Variants in HTR1F observed in about 807,000 individuals in gnomAD.
HTR1F encodes 5-hydroxytryptamine receptor 1F.
HTR1F carries 17 observed loss-of-function variants against 24.0 expected under a neutral mutation model. That is an observed-to-expected ratio of 0.71 (90% CI 0.48 to 1.06). HTR1F has a LOEUF of 1.06. Among genes scored for constraint, HTR1F ranks in the 50% least tolerant of loss-of-function variants. The probability of loss-of-function intolerance (pLI) is 0.00; values close to 1 mark genes in which losing one functional copy is unlikely to be tolerated. For missense variants in HTR1F, 391 were observed against 427.8 expected, an observed-to-expected ratio of 0.91 and a Z score of 0.76; for synonymous variants, 186 against 156.8, an observed-to-expected ratio of 1.19 and a Z score of -1.39.
intron 2 of HTR1F, among the ~76,000 whole-genome samples, chr3:87,845,282 G>A (rs1440873453): frequency 6.6e-6 from 1 of 151,828 alleles, no homozygotes; most frequent in Non-Finnish European, 1.5e-5. Context: ...AGGAAAAGAG[G>A]AAGTCAAATT....
At chr3:87,798,537 C>A (rs1459919027) in intron 1 of HTR1F, among the ~76,000 whole-genome samples, 2 of 151,980 alleles carry the variant, frequency 1.3e-5, no homozygotes, top group Non-Finnish European at 2.9e-5. Context: ...ACCCTGACCC[C>A]CCTCCACCCG....
In HTR1F at chr3:87,922,836, A is replaced by T. The variant is rs533459482; in HGVS notation, c.-42-67872A>T. Among the ~76,000 whole-genome samples the T allele has an allele frequency of 1.6e-4, 24 of 146,002 alleles. No homozygotes were observed. In the Admixed American group the frequency reaches 1.7e-3, roughly 10 times the overall value. On this transcript the variant is annotated intron_variant, in intron 2 of 2. Coordinates refer to ENST00000319595, the MANE Select transcript of HTR1F (RefSeq NM_001322209.2). ...CTGTCCATTGGCTGTAAATCTGTGG[A>T]TTTATTTCTGTGTTCTCTAGTCTGT...
At chr3:87,924,164 T>A (rs1704073351) in intron 2 of HTR1F, among the ~76,000 whole-genome samples, 3 of 152,130 alleles carry the variant, frequency 2.0e-5, no homozygotes, top group Non-Finnish European at 2.9e-5. Context: ...AATGATTCAA[T>A]CTCATTACAT....
At chr3:87,936,785 A>C (rs972329290) in intron 2 of HTR1F, among the ~76,000 whole-genome samples, 10 of 152,066 alleles carry the variant, frequency 6.6e-5, no homozygotes, top group African/African-American at 1.4e-4. Flanking sequence ...TTTACTACCC[A>C]CTAGGAGATT....
At chr3:87,876,136 CTT>C (rs1705668439) in intron 2 of HTR1F, among the ~76,000 whole-genome samples, 1 of 152,104 alleles carries the variant, frequency 6.6e-6, no homozygotes, top group African/African-American at 2.4e-5. Flanking sequence ...GAATTGGAGA[CTT>C]TGTGTGCTGA....
intron 2 of HTR1F, among the ~76,000 whole-genome samples, chr3:87,828,706 C>T (rs1704512445): frequency 6.6e-6 from 1 of 152,168 alleles, no homozygotes; most frequent in Non-Finnish European, 1.5e-5. Flanking sequence ...CATATATCTT[C>T]ATTTTAGTTT....
chr3:87,856,158 A>G lies in HTR1F; in HGVS notation c.-43+34034A>G, dbSNP rs992530226. Among the ~76,000 whole-genome samples, 5 of 152,178 alleles carry G rather than the reference A, an allele frequency of 3.3e-5. No individual in the cohort carries two copies. The East Asian group carries it at 7.7e-4, about 23-fold the overall frequency. ...CAATTTTTCAATTTTATTATTAGTT[A>G]CTATTAATCTCTTACTGGTCCTAAT... On this transcript the variant is annotated intron_variant, in intron 2 of 2. Coordinates refer to ENST00000319595, the MANE Select transcript of HTR1F (RefSeq NM_001322209.2).
chr3:87,927,962 G>A (rs1704167271), intron 2 of HTR1F, among the ~76,000 whole-genome samples: 1 of 151,724 alleles, frequency 6.6e-6, no homozygotes, highest in Non-Finnish European at 1.5e-5. Context: ...TCCATTGGTG[G>A]CTTAATAAAC....
At chr3:87,800,994 A>G (rs527698736) in intron 1 of HTR1F, among the ~76,000 whole-genome samples, 2 of 152,338 alleles carry the variant, frequency 1.3e-5, no homozygotes, top group Non-Finnish European at 2.9e-5. Flanking sequence ...AACCCACTTT[A>G]GTGTTAAGCT....
At chr3:87,900,357 C>T (rs1706294031) in intron 2 of HTR1F, among the ~76,000 whole-genome samples, 1 of 152,072 alleles carries the variant, frequency 6.6e-6, no homozygotes, top group African/African-American at 2.4e-5. Context: ...GCAAGGAGGC[C>T]CATGTAGCTG....
rs111702900 is a variant in HTR1F at position 87,917,534 on chromosome 3, A to G, written c.-42-73174A>G. Among the ~76,000 whole-genome samples the G allele has an allele frequency of 4.7e-3, 721 of 152,156 alleles. 2 individuals carry two copies. The highest frequency in any genetic ancestry group is 0.017 in the African/African-American group (689 of 41,570). ...AATAAGAAATGAAACAGGAGATATT[A>G]CAACTGACACCACAGAAATGCAAAA... On this transcript the variant is annotated intron_variant, in intron 2 of 2. Coordinates refer to ENST00000319595, the MANE Select transcript of HTR1F (RefSeq NM_001322209.2).
intron 2 of HTR1F, among the ~76,000 whole-genome samples, chr3:87,873,962 A>G (rs1705614693): frequency 6.6e-6 from 1 of 152,162 alleles, no homozygotes. Context: ...AAATAGGAGT[A>G]GAAGAAATTA....
chr3:87,966,671 G>A (rs926794750), intron 2 of HTR1F, among the ~76,000 whole-genome samples: 3 of 151,978 alleles, frequency 2.0e-5, no homozygotes, highest in African/African-American at 7.3e-5. Flanking sequence ...ATAAATACTT[G>A]CTGATTAATT....
At chr3:87,903,572 G>C (rs1284287317) in intron 2 of HTR1F, among the ~76,000 whole-genome samples, 2 of 150,846 alleles carry the variant, frequency 1.3e-5, no homozygotes, top group East Asian at 3.9e-4. Context: ...AAACCACAAT[G>C]AGATACCATC....
In HTR1F at chr3:87,923,392, T is replaced by G. The variant is rs76998552; in HGVS notation, c.-42-67316T>G. 4.9e-3 allele frequency among the ~76,000 whole-genome samples: 752 copies of G among 152,092 alleles called. 7 individuals carry two copies. The highest frequency in any genetic ancestry group is 0.017 in the African/African-American group (720 of 41,550). ...ACAATCCATAAACACAAGATGTTTT[T>G]CCATTTTGGGGTCTTCATCAATTTC... On this transcript the variant is annotated intron_variant, in intron 2 of 2. Coordinates refer to ENST00000319595, the MANE Select transcript of HTR1F (RefSeq NM_001322209.2).
intron 2 of HTR1F, among the ~76,000 whole-genome samples, chr3:87,983,512 C>T (rs1705597219): frequency 1.3e-5 from 2 of 152,118 alleles, no homozygotes; most frequent in Non-Finnish European, 2.9e-5. Context: ...TTTTTGTCAT[C>T]CTTGCACATT....
At chr3:87,893,871 T>C (rs535805754) in intron 2 of HTR1F, among the ~76,000 whole-genome samples, 105 of 152,344 alleles carry the variant, frequency 6.9e-4, no homozygotes, top group Non-Finnish European at 1.2e-3. Context: ...TTCCTTGAGA[T>C]TGGCCACTTG....
At chr3:87,877,163 C>A (rs555401941) in intron 2 of HTR1F, among the ~76,000 whole-genome samples, 9 of 151,840 alleles carry the variant, frequency 5.9e-5, no homozygotes, top group Non-Finnish European at 1.3e-4. Flanking sequence ...TGGAAAAAAA[C>A]CATAATTTCA....
At chr3:87,794,430 T>C (rs575656343) in intron 1 of HTR1F, among the ~76,000 whole-genome samples, 127 of 152,306 alleles carry the variant, frequency 8.3e-4, no homozygotes, top group African/African-American at 3.0e-3. Context: ...TTCTAAGCTT[T>C]GGGAGAGGTG....
Sources: allele counts gnomAD v4.1 joint callset (sites outside exome capture counted in the v4.1 genomes callset), GRCh38; gene constraint gnomAD v4.1.1; transcripts MANE v1.5; gene names NCBI Gene and HGNC (gene_info 2026-07-23, HGNC 2026-07-21).